Variants in GAS7 observed in about 807,000 individuals in gnomAD.
The protein encoded by GAS7 is growth arrest specific 7, also known as growth arrest-specific protein 7.
A neutral mutation model predicts 71.1 loss-of-function variants in GAS7; 28 were observed. That is an observed-to-expected ratio of 0.39 (90% CI 0.29 to 0.54). The LOEUF (loss-of-function observed/expected upper bound fraction) is 0.54, where lower values mean the gene tolerates loss of function less well. GAS7 is among the 20% of genes least tolerant of loss of function. The pLI is 0.62. For synonymous variants in GAS7, 258 were observed against 245.8 expected (o/e 1.05, Z -0.46); for missense variants, 436 against 627.8 (o/e 0.69, Z 3.27).
rs200505487 is a variant in GAS7 at position 9,917,190 on chromosome 17, C to A, written c.*38G>T. Reference sequence around the variant, plus strand: ...GGCCCCATGGTGGGAGCCCAGCCCCCCTCCCCAGCAGGACCCCCCGAAGCT... The same window carrying A: ...GGCCCCATGGTGGGAGCCCAGCCCCACTCCCCAGCAGGACCCCCCGAAGCT... On this transcript the variant is annotated 3_prime_UTR_variant, in exon 14 of 14. Transcript: ENST00000432992. The A allele has an allele frequency of 1.6e-6, 2 of 1,231,154 alleles. No individual in the cohort carries two copies. The highest frequency in any genetic ancestry group is 1.2e-6 in the Non-Finnish European group (1 of 830,326). 76.3% of individuals were successfully genotyped at this position (1,231,154 alleles called of 1,614,324 possible).
intron 1 of GAS7, among the ~76,000 whole-genome samples, chr17:10,157,683 T>C: frequency 6.6e-6 from 1 of 152,110 alleles, no homozygotes; most frequent in East Asian, 1.9e-4. Context: ...TGGAACCAGG[T>C]TTGTCACATG....
At chr17:10,164,848 GAAA>G (rs755151597) in intron 1 of GAS7, among the ~76,000 whole-genome samples, 1 of 106,070 alleles carries the variant, frequency 9.4e-6, no homozygotes, top group Non-Finnish European at 1.9e-5. Flanking sequence ...ATGAAAAAAG[GAAA>G]AAAAAAAAAA....
intron 3 of GAS7, among the ~76,000 whole-genome samples, chr17:9,980,705 GA>G (rs940303864): frequency 1.3e-5 from 2 of 152,130 alleles, no homozygotes; most frequent in Non-Finnish European, 2.9e-5. Context: ...AAAAGAAACA[GA>G]CAAAGTCCCC....
At chr17:10,037,808 TTTG>T (rs1406626761) in intron 1 of GAS7, among the ~76,000 whole-genome samples, 1 of 152,110 alleles carries the variant, frequency 6.6e-6, no homozygotes, top group Non-Finnish European at 1.5e-5. Context: ...AGCTAGGATT[TTTG>T]TTGTTACTAT....
In GAS7 at chr17:9,940,286, G is replaced by C. The variant is rs2068555738; in HGVS notation, c.732-86C>G. 13 of 948,886 alleles carry C rather than the reference G, an allele frequency of 1.4e-5. No homozygotes were observed. In the South Asian group the frequency reaches 1.6e-4, roughly 11 times the overall value. 58.8% of individuals were successfully genotyped at this position (948,886 alleles called of 1,614,324 possible). A position where few individuals can be genotyped will look rare whatever the true frequency, so the allele number is the denominator to read the frequency against. On this transcript the variant is annotated intron_variant, in intron 7 of 13. Coordinates refer to ENST00000432992, the MANE Select transcript of GAS7 (RefSeq NM_201433.2). ...TGCTGCCCTGCACACCTCAGCCGTG[G>C]AAAGGAACCCACTAGACCATAAGCT...
chr17:10,170,481 AT>A (rs1257788535), intron 1 of GAS7, among the ~76,000 whole-genome samples: 1 of 152,130 alleles, frequency 6.6e-6, no homozygotes, highest in Non-Finnish European at 1.5e-5. Flanking sequence ...TCTGGCTGGA[AT>A]GCTCTTCTCT....
At chr17:10,132,840 A>T (rs2074007674) in intron 1 of GAS7, among the ~76,000 whole-genome samples, 1 of 152,092 alleles carries the variant, frequency 6.6e-6, no homozygotes, top group African/African-American at 2.4e-5. Flanking sequence ...TTCATTCATA[A>T]CATGTAGCAA....
chr17:10,082,258 T>C (rs529561244), intron 1 of GAS7, among the ~76,000 whole-genome samples: 2 of 152,248 alleles, frequency 1.3e-5, no homozygotes, highest in Admixed American at 1.3e-4. Flanking sequence ...CCCAGAACAG[T>C]GGTTGCCTCC....
chr17:9,981,428 T>C lies in GAS7; in HGVS notation c.385+376A>G, dbSNP rs553165337. ...CAGGTGTTTTATTTGAAAGCTGCCT[T>C]GTAAACATCTACCTCCTTTTAGCTT... On this transcript the variant is annotated intron_variant, in intron 3 of 13. Transcript: ENST00000432992. The surrounding 1 kb of genome is among the most constrained non-coding windows in gnomAD (Gnocchi z 4.4). Among the ~76,000 whole-genome samples the C allele has an allele frequency of 2.0e-5, 3 of 152,304 alleles. No homozygotes were observed. In the South Asian group the frequency reaches 6.2e-4, roughly 32 times the overall value.
intron 1 of GAS7, among the ~76,000 whole-genome samples, chr17:10,133,970 C>A (rs1183867622): frequency 1.3e-5 from 2 of 152,098 alleles, no homozygotes; most frequent in Non-Finnish European, 2.9e-5. Context: ...GCTCCAATGA[C>A]CATTTTCTTT....
In GAS7 at chr17:9,913,088, G is replaced by A. The variant is rs1046625946; in HGVS notation, c.*4140C>T. 8.6e-6 allele frequency: 2 copies of A among 232,356 alleles called. No individual in the cohort carries two copies. The highest frequency in any genetic ancestry group is 4.4e-5 in the African/African-American group (2 of 45,298). 14.4% of individuals were successfully genotyped at this position (232,356 alleles called of 1,614,324 possible). A position where few individuals can be genotyped will look rare whatever the true frequency, so the allele number is the denominator to read the frequency against. On this transcript the variant is annotated 3_prime_UTR_variant, in exon 14 of 14. Coordinates refer to ENST00000432992, the MANE Select transcript of GAS7 (RefSeq NM_201433.2). ...TTTTTTGGAGGGTTAAAAACAGGTTGATCTTGGTGATGGTCACAAGACACT... is the reference window on the plus strand; with the variant it reads ...TTTTTTGGAGGGTTAAAAACAGGTTAATCTTGGTGATGGTCACAAGACACT...
intron 2 of GAS7, among the ~76,000 whole-genome samples, chr17:9,990,543 C>G (rs935863725): frequency 6.6e-6 from 1 of 152,138 alleles, no homozygotes; most frequent in African/African-American, 2.4e-5. Context: ...TGTTGGGGGC[C>G]ATCTTGGAAG....
In GAS7 at chr17:9,999,579, T is replaced by C. The variant is rs76247473; in HGVS notation, c.305-17695A>G. Among the ~76,000 whole-genome samples, 711 of 151,388 alleles carry C rather than the reference T, an allele frequency of 4.7e-3. 15 individuals are homozygous for C. Among genetic ancestry groups the C allele is most frequent in the African/African-American group, 0.016 (670 of 41,188 alleles). On this transcript the variant is annotated intron_variant, in intron 2 of 13. Transcript: ENST00000432992. ...TGCTTTTCACAGGACTTGGGGGAAA[T>C]AGAAAGAGGTGAGGCTATTCTGGAA...
At chr17:10,047,420 T>G (rs2072993775) in intron 1 of GAS7, among the ~76,000 whole-genome samples, 1 of 152,208 alleles carries the variant, frequency 6.6e-6, no homozygotes, top group African/African-American at 2.4e-5. Flanking sequence ...GAAGTCAACC[T>G]TCCCCCAAGC....
intron 1 of GAS7, among the ~76,000 whole-genome samples, chr17:10,153,210 A>AAAAAAAAAAACAAAGCAAAAC (rs144494150): frequency 0.024 from 3,492 of 145,266 alleles, 93 homozygotes; most frequent in East Asian, 0.12. Context: ...CCTCCGTCTC[A>AAAAAAAAAAACAAAGCAAAAC]AAAAAAAAAC....
intron 1 of GAS7, chr17:10,036,809 G>A: frequency 9.9e-7 from 1 of 1,011,084 alleles, no homozygotes; most frequent in African/African-American, 1.7e-5. Flanking sequence ...AAAAACGTTG[G>A]CTGAGGTCAC....
intron 1 of GAS7, among the ~76,000 whole-genome samples, chr17:10,196,695 T>A (rs1314685833): frequency 6.6e-6 from 1 of 152,140 alleles, no homozygotes; most frequent in African/African-American, 2.4e-5. Flanking sequence ...CGGACAGACA[T>A]CCATCAGCCA....
chr17:9,989,681 A>C (rs2070768864), intron 2 of GAS7, among the ~76,000 whole-genome samples: 1 of 152,232 alleles, frequency 6.6e-6, no homozygotes, highest in Non-Finnish European at 1.5e-5. Flanking sequence ...AAGTGTTATG[A>C]GAACGAAGCT....
chr17:10,107,787 C>T (rs931922450), intron 1 of GAS7, among the ~76,000 whole-genome samples: 1 of 149,642 alleles, frequency 6.7e-6, no homozygotes, highest in Non-Finnish European at 1.5e-5. Flanking sequence ...ACACACAGTC[C>T]AGTGAGGGGC....
Sources: gnomAD v4.1 joint callset for allele counts (sites outside exome capture counted in the v4.1 genomes callset) on GRCh38, gnomAD v4.1.1 for gene constraint, Gnocchi (gnomAD v3.1) non-coding constraint, MANE v1.5 for transcripts, NCBI Gene and HGNC (gene_info 2026-07-23, HGNC 2026-07-21) for gene names.